MARCHF3: variants seen among roughly 807,000 people sequenced by gnomAD.
MARCHF3 encodes the protein E3 ubiquitin-protein ligase MARCHF3.
MARCHF3 carries 13 observed loss-of-function variants against 24.2 expected under a neutral mutation model. The observed-to-expected ratio is 0.54, with a 90% CI of 0.35 to 0.85. The LOEUF (loss-of-function observed/expected upper bound fraction) is 0.85, where lower values mean the gene tolerates loss of function less well. Ranked by LOEUF, MARCHF3 falls within the 40% of genes least tolerant of loss-of-function variation. The pLI is 0.01. For missense variants in MARCHF3, 276 were observed against 325.0 expected, an observed-to-expected ratio of 0.85 and a Z score of 1.16; for synonymous variants, 144 against 137.3, an observed-to-expected ratio of 1.05 and a Z score of -0.34.
chr5:127,011,329 G>A (rs1488812500), intron 1 of MARCHF3, among the ~76,000 whole-genome samples: 1 of 152,100 alleles, frequency 6.6e-6, no homozygotes, highest in Non-Finnish European at 1.5e-5. Flanking sequence ...TGCAGTCATC[G>A]CGGCATGCCT....
chr5:126,963,426 AAACAGTCAACATTTTC>A (rs1750707815), intron 1 of MARCHF3, among the ~76,000 whole-genome samples: 1 of 152,188 alleles, frequency 6.6e-6, no homozygotes, highest in African/African-American at 2.4e-5. Context: ...GACCAATCTT[AAACAGTCAACATTTTC>A]AAGGAGAAAA....
At chr5:126,950,379 T>C (rs1580673659) in intron 1 of MARCHF3, among the ~76,000 whole-genome samples, 1 of 152,254 alleles carries the variant, frequency 6.6e-6, no homozygotes, top group Non-Finnish European at 1.5e-5. Flanking sequence ...CAATTTCATG[T>C]TGACATTTCT....
intron 3 of MARCHF3, among the ~76,000 whole-genome samples, chr5:126,897,672 A>T (rs1753967497): frequency 1.3e-5 from 2 of 152,092 alleles, no homozygotes; most frequent in Non-Finnish European, 2.9e-5. Flanking sequence ...CCAAAGTTTA[A>T]GAGGGGAAGA....
chr5:126,975,221 CTGGGA>C (rs1249975433), intron 1 of MARCHF3, among the ~76,000 whole-genome samples: 2 of 152,180 alleles, frequency 1.3e-5, no homozygotes, highest in Non-Finnish European at 2.9e-5. Flanking sequence ...TCCCAAAGTG[CTGGGA>C]TTACAGGTGT....
At chr5:126,906,722 G>C (rs1369005988) in intron 3 of MARCHF3, among the ~76,000 whole-genome samples, 1 of 151,614 alleles carries the variant, frequency 6.6e-6, no homozygotes, top group Non-Finnish European at 1.5e-5. Flanking sequence ...TTCTTTATTA[G>C]TCTTGCTAGT....
intron 1 of MARCHF3, among the ~76,000 whole-genome samples, chr5:126,923,688 A>G (rs1356631758): frequency 6.6e-6 from 1 of 152,238 alleles, no homozygotes; most frequent in Non-Finnish European, 1.5e-5. Context: ...AGCAAGATGA[A>G]TAATCTCTAG....
intron 4 of MARCHF3, among the ~76,000 whole-genome samples, chr5:126,877,319 CAG>C (rs1259328726): frequency 1.3e-5 from 2 of 152,144 alleles, no homozygotes; most frequent in East Asian, 3.9e-4. Flanking sequence ...TATTGAATAA[CAG>C]TGGAACGTGC....
rs577205615 is a variant in MARCHF3, at chr5:126,962,603, T to C, written c.-56-44376A>G. ...GATAGTTCAATATACACAACTTTGTTTCATGTGCAAAATTATTTAAAATAT... is the reference window on the plus strand; with the variant it reads ...GATAGTTCAATATACACAACTTTGTCTCATGTGCAAAATTATTTAAAATAT... On this transcript the variant is annotated intron_variant, in intron 1 of 4. Transcript: ENST00000308660. Among the ~76,000 whole-genome samples, 463 of 152,234 alleles carry C rather than the reference T, an allele frequency of 3.0e-3. 1 individual carries two copies. The highest frequency in any genetic ancestry group is 0.011 in the African/African-American group (447 of 41,550).
At chr5:126,913,568 A>G (rs941844755) in intron 3 of MARCHF3, among the ~76,000 whole-genome samples, 1 of 152,258 alleles carries the variant, frequency 6.6e-6, no homozygotes, top group Non-Finnish European at 1.5e-5. Flanking sequence ...TCAAGTGGCA[A>G]GATGGCTAAA....
At chr5:126,936,813 A>C (rs1299186941) in intron 1 of MARCHF3, among the ~76,000 whole-genome samples, 1 of 152,208 alleles carries the variant, frequency 6.6e-6, no homozygotes, top group Non-Finnish European at 1.5e-5. Context: ...AAATAATCCA[A>C]AGGCAACCAC....
At chr5:126,977,516 AT>A (rs1751244415) in intron 1 of MARCHF3, among the ~76,000 whole-genome samples, 1 of 152,230 alleles carries the variant, frequency 6.6e-6, no homozygotes, top group Non-Finnish European at 1.5e-5. Flanking sequence ...GTAAACAAAC[AT>A]AAAAATGGGG....
intron 3 of MARCHF3, among the ~76,000 whole-genome samples, chr5:126,895,890 G>T (rs1262042731): frequency 6.6e-6 from 1 of 152,150 alleles, no homozygotes; most frequent in East Asian, 1.9e-4. Flanking sequence ...CCTGGGCAGT[G>T]GCGGGCGCCC....
chr5:126,944,444 C>CA lies in MARCHF3; in HGVS notation c.-56-26218dup, dbSNP rs1749939489. 3.9e-5 allele frequency among the ~76,000 whole-genome samples: 6 copies of CA among 152,218 alleles called. No homozygotes were observed. The South Asian group carries it at 1.0e-3, about 26-fold the overall frequency. On this transcript the variant is annotated intron_variant, in intron 1 of 4. Coordinates refer to ENST00000308660, the MANE Select transcript of MARCHF3 (RefSeq NM_178450.5). Reference sequence around the variant, plus strand: ...AAAAAACCATCTCTACCAAAAAATACAAAAATTATCCAGGCATGGTTGTAC... The same window carrying CA: ...AAAAAACCATCTCTACCAAAAAATACAAAAAATTATCCAGGCATGGTTGTAC...
intron 4 of MARCHF3, among the ~76,000 whole-genome samples, chr5:126,872,423 A>G (rs1753005931): frequency 6.6e-6 from 1 of 152,106 alleles, no homozygotes; most frequent in Non-Finnish European, 1.5e-5. Flanking sequence ...TCTGTTTTGG[A>G]GAAGGCTGGC....
intron 1 of MARCHF3, among the ~76,000 whole-genome samples, chr5:126,931,857 C>T (rs939717679): frequency 9.2e-5 from 14 of 151,926 alleles, no homozygotes; most frequent in East Asian, 5.8e-4. Flanking sequence ...AAAAGCAAAG[C>T]GGGGGAAGGC....
chr5:126,874,872 T>G (rs1434953363), intron 4 of MARCHF3, among the ~76,000 whole-genome samples: 2 of 152,174 alleles, frequency 1.3e-5, no homozygotes, highest in Non-Finnish European at 2.9e-5. Context: ...TGAGCCTTGT[T>G]GGGACAGCGT....
chr5:126,878,497 G>T, intron 3 of MARCHF3, 103 bp from the exon 4 acceptor site: 2 of 1,146,474 alleles, frequency 1.7e-6, no homozygotes, highest in Non-Finnish European at 2.5e-6. Context: ...CAGAACCTTG[G>T]GAAAAGGCAT....
At chr5:126,959,660 A>C (rs1750572772) in intron 1 of MARCHF3, among the ~76,000 whole-genome samples, 1 of 152,196 alleles carries the variant, frequency 6.6e-6, no homozygotes, top group South Asian at 2.1e-4. Context: ...AGGTGCAAGG[A>C]ATAGGGAAAA....
intron 1 of MARCHF3, among the ~76,000 whole-genome samples, chr5:126,919,277 C>T (rs1394945126): frequency 6.6e-6 from 1 of 152,138 alleles, no homozygotes; most frequent in African/African-American, 2.4e-5. Flanking sequence ...TTTACAGAAA[C>T]TTGAAGGAAG....
Sources: gnomAD v4.1 joint callset for allele counts (sites outside exome capture counted in the v4.1 genomes callset) on GRCh38, gnomAD v4.1.1 for gene constraint, MANE v1.5 for transcripts, NCBI Gene and HGNC (gene_info 2026-07-23, HGNC 2026-07-21) for gene names.